Variants in ANKS1B observed in about 807,000 individuals in gnomAD.
ANKS1B encodes ankyrin repeat and sterile alpha motif domain-containing protein 1B.
A neutral mutation model predicts 148.3 loss-of-function variants in ANKS1B; 36 were observed. The observed-to-expected ratio is 0.24, with a 90% CI of 0.19 to 0.32. ANKS1B has a LOEUF of 0.32. Among genes scored for constraint, ANKS1B ranks in the 10% least tolerant of loss-of-function variants. The pLI, the probability that ANKS1B is intolerant of heterozygous loss-of-function variation, is 1.00. For missense variants in ANKS1B, 1,157 were observed against 1,542.6 expected (o/e 0.75, Z 4.19); for synonymous variants, 542 against 560.8 (o/e 0.97, Z 0.47).
intron 17 of ANKS1B, among the ~76,000 whole-genome samples, chr12:98,870,671 T>C (rs1233601682): frequency 6.6e-6 from 1 of 152,230 alleles, no homozygotes; most frequent in African/African-American, 2.4e-5. Flanking sequence ...TTTCACTTCC[T>C]GCTAACAAAG....
chr12:99,398,191 A>G (rs1320920585), intron 12 of ANKS1B, among the ~76,000 whole-genome samples: 1 of 152,130 alleles, frequency 6.6e-6, no homozygotes, highest in Admixed American at 6.6e-5. Flanking sequence ...GAAAGTTTGG[A>G]TTATAACTTC....
intron 10 of ANKS1B, among the ~76,000 whole-genome samples, chr12:99,502,547 A>G (rs765211629): frequency 6.6e-6 from 1 of 152,202 alleles, no homozygotes; most frequent in Non-Finnish European, 1.5e-5. Context: ...AGTAAAATGC[A>G]GCACTACAGC....
At chr12:99,933,343 G>A (rs1394322939) in intron 1 of ANKS1B, among the ~76,000 whole-genome samples, 5 of 152,096 alleles carry the variant, frequency 3.3e-5, no homozygotes, top group South Asian at 2.1e-4. Context: ...TCTGTAGACT[G>A]CTTTGGGTAG....
intron 15 of ANKS1B, among the ~76,000 whole-genome samples, chr12:99,086,369 A>T (rs1159574817): frequency 6.6e-6 from 1 of 152,192 alleles, no homozygotes; most frequent in African/African-American, 2.4e-5. Flanking sequence ...ATGTTCTGGG[A>T]TAATATGGAG....
intron 12 of ANKS1B, among the ~76,000 whole-genome samples, chr12:99,249,445 C>T (rs1456549006): frequency 1.3e-5 from 2 of 152,192 alleles, no homozygotes; most frequent in African/African-American, 4.8e-5. Context: ...CAAGCAGTCA[C>T]TTCTCAAAGT....
In ANKS1B at chr12:99,175,365, T is replaced by A. The variant is rs116556684; in HGVS notation, c.2420-20970A>T. Among the ~76,000 whole-genome samples, 170 of 152,358 alleles carry A rather than the reference T, an allele frequency of 1.1e-3. 1 individual carries two copies. Among genetic ancestry groups the A allele is most frequent in the African/African-American group, 3.9e-3 (161 of 41,600 alleles). ...TTTGCATATACATAATAAGACATCT[T>A]GGGAAAGAGACCCAAGTCTAAACAT... On this transcript the variant is annotated intron_variant, in intron 14 of 26. Transcript: ENST00000683438.
chr12:99,684,880 A>G (rs1567639019), intron 8 of ANKS1B, among the ~76,000 whole-genome samples: 1 of 152,166 alleles, frequency 6.6e-6, no homozygotes, highest in Admixed American at 6.5e-5. Context: ...CCACATGTAG[A>G]AGAATGAAAC....
intron 1 of ANKS1B, among the ~76,000 whole-genome samples, chr12:99,867,305 T>A (rs905985830): frequency 1.3e-5 from 2 of 152,168 alleles, no homozygotes; most frequent in Non-Finnish European, 2.9e-5. Flanking sequence ...CAACCCATCC[T>A]ATAAGACAAC....
At chr12:99,367,557 G>A (rs1036217282) in intron 12 of ANKS1B, among the ~76,000 whole-genome samples, 1 of 152,136 alleles carries the variant, frequency 6.6e-6, no homozygotes, top group Non-Finnish European at 1.5e-5. Flanking sequence ...AGAGTTCCAG[G>A]AGAACAAACC....
chr12:99,654,882 T>A (rs534123988), intron 9 of ANKS1B, among the ~76,000 whole-genome samples, 185 bp downstream of exon 9: 1 of 152,332 alleles, frequency 6.6e-6, no homozygotes, highest in South Asian at 2.1e-4. Context: ...TGTCTTCGCA[T>A]ATGTACACAT....
At chr12:99,464,441 A>C (rs552582795) in intron 10 of ANKS1B, among the ~76,000 whole-genome samples, 1 of 152,358 alleles carries the variant, frequency 6.6e-6, no homozygotes, top group South Asian at 2.1e-4. Flanking sequence ...AGCTGGACGG[A>C]GAATGACTTT....
chr12:99,362,151 G>T (rs1448124790), intron 12 of ANKS1B, among the ~76,000 whole-genome samples: 2 of 151,826 alleles, frequency 1.3e-5, no homozygotes, highest in African/African-American at 2.4e-5. Context: ...AAAATCTATT[G>T]GTGTCTTAAA....
At position 99,154,987 on chromosome 12, in the gene ANKS1B, T is replaced by C. The variant is rs762498116; in HGVS notation, c.2420-592A>G. The C allele has an allele frequency of 5.9e-6, 9 of 1,535,428 alleles. No individual in the cohort carries two copies. In the South Asian group the frequency reaches 1.1e-4, roughly 18 times the overall value. On this transcript the variant is annotated intron_variant, in intron 14 of 26. Coordinates refer to ENST00000683438, the MANE Select transcript of ANKS1B (RefSeq NM_001352186.2). ...CTACACACCCATCCAAGCGTCAATC[T>C]TGAATGATGAGAGCAGTCAAAACAA...
At chr12:99,933,368 C>T (rs772838940) in intron 1 of ANKS1B, among the ~76,000 whole-genome samples, 2 of 152,120 alleles carry the variant, frequency 1.3e-5, no homozygotes, top group Non-Finnish European at 2.9e-5. Context: ...GACATTTTGA[C>T]AATAGTGATT....
At position 99,744,857 on chromosome 12, in the gene ANKS1B, T is replaced by C. The variant is rs566590033; in HGVS notation, c.1128+28065A>G. 3.3e-5 allele frequency among the ~76,000 whole-genome samples: 5 copies of C among 152,016 alleles called. No individual in the cohort carries two copies. In the South Asian group the frequency reaches 1.0e-3, roughly 32 times the overall value. ...AAATACAAAAATTAGCTGGGCGTGGTGGCACATGCCTGTAATCCCAGCTAC... is the reference window on the plus strand; with the variant it reads ...AAATACAAAAATTAGCTGGGCGTGGCGGCACATGCCTGTAATCCCAGCTAC... On this transcript the variant is annotated intron_variant, in intron 8 of 26. Transcript: ENST00000683438.
chr12:99,382,973 C>T (rs1481585400), intron 12 of ANKS1B, among the ~76,000 whole-genome samples: 1 of 151,220 alleles, frequency 6.6e-6, no homozygotes, highest in Non-Finnish European at 1.5e-5. Flanking sequence ...CCACCCACTT[C>T]CCTTCTAGCT....
chr12:99,676,972 A>G (rs138640861), intron 8 of ANKS1B, among the ~76,000 whole-genome samples: 1 of 152,352 alleles, frequency 6.6e-6, no homozygotes, highest in African/African-American at 2.4e-5. Context: ...ACACACAGGA[A>G]GAGTTGAGGT....
chr12:98,850,702 C>T (rs924395592), intron 17 of ANKS1B, among the ~76,000 whole-genome samples: 16 of 151,512 alleles, frequency 1.1e-4, no homozygotes, highest in Admixed American at 2.0e-4. Context: ...CTCCTGACCT[C>T]GTGATCCGCC....
chr12:99,457,033 G>C (rs922165688), intron 10 of ANKS1B, among the ~76,000 whole-genome samples: 1 of 152,030 alleles, frequency 6.6e-6, no homozygotes, highest in Non-Finnish European at 1.5e-5. Context: ...AACCTATAAA[G>C]GAAAACTTAT....
Sources: gnomAD v4.1 joint callset for allele counts (sites outside exome capture counted in the v4.1 genomes callset) on GRCh38, gnomAD v4.1.1 for gene constraint, MANE v1.5 for transcripts, NCBI Gene and HGNC (gene_info 2026-07-23, HGNC 2026-07-21) for gene names.